The following DMD variants were observed in gnomAD, a reference collection of about 807,000 sequenced individuals.
DMD encodes mutant dystrophin.
Under a neutral mutation model 330.1 loss-of-function variants are expected in DMD, and 63 were observed. The observed-to-expected ratio is 0.19, with a 90% CI of 0.16 to 0.24. DMD has a LOEUF of 0.24. DMD is among the 10% of genes least tolerant of loss of function. DMD has a pLI of 1.00. For missense variants in DMD, 3,344 were observed against 2,684.1 expected, an observed-to-expected ratio of 1.25 and a Z score of -5.43; for synonymous variants, 1,223 against 959.8, an observed-to-expected ratio of 1.27 and a Z score of -5.07.
At chrX:32,747,422 TACTC>T (rs756209350) in intron 7 of DMD, among the ~76,000 whole-genome samples, 2 of 111,601 alleles carry the variant, frequency 1.8e-5, no homozygotes, top group East Asian at 5.7e-4. Context: ...TCCTTAGACA[TACTC>T]AATCAAGCGT....
intron 6 of DMD, among the ~76,000 whole-genome samples, chrX:32,812,668 TTTC>T (rs1293633221): frequency 4.5e-5 from 5 of 112,141 alleles, no homozygotes; most frequent in African/African-American, 6.5e-5. Context: ...GGTTTATTGG[TTTC>T]TTCTTAATTG....
At chrX:32,957,104 C>T (rs1337751866) in intron 2 of DMD, among the ~76,000 whole-genome samples, 1 of 111,447 alleles carries the variant, frequency 9.0e-6, no homozygotes, top group Middle Eastern at 4.2e-3. Flanking sequence ...CAGAGCTGAA[C>T]AGTACAGATT....
chrX:31,941,955 C>T (rs1408209501), intron 45 of DMD, among the ~76,000 whole-genome samples: 1 of 111,638 alleles, frequency 9.0e-6, no homozygotes, highest in Non-Finnish European at 1.9e-5. Context: ...AGGTTGATTC[C>T]ATGTCTTTGT....
intron 29 of DMD, among the ~76,000 whole-genome samples, chrX:32,429,387 GT>G (rs10692022): frequency 1.0e-3 from 46 of 44,186 alleles, no homozygotes; most frequent in Middle Eastern, 0.029. Context: ...TTTTTTTTGG[GT>G]TTTTTTTTTT....
At chrX:32,977,475 C>T (rs1239537927) in intron 2 of DMD, among the ~76,000 whole-genome samples, 2 of 110,682 alleles carry the variant, frequency 1.8e-5, no homozygotes, top group Non-Finnish European at 3.8e-5. Flanking sequence ...CAGGGCTTTC[C>T]TTCACAATTA....
chrX:32,415,024 T>G (rs1216422623), intron 29 of DMD, among the ~76,000 whole-genome samples: 1 of 111,534 alleles, frequency 9.0e-6, no homozygotes, highest in Non-Finnish European at 1.9e-5. Context: ...TCCAAAGAAA[T>G]GGATCTCTAG....
intron 1 of DMD, among the ~76,000 whole-genome samples, chrX:33,242,119 T>C: frequency 8.9e-6 from 1 of 111,761 alleles, no homozygotes; most frequent in Non-Finnish European, 1.9e-5. Context: ...ATTTATTTTT[T>C]ATTTTCCCTA....
At chrX:32,752,567 G>A (rs1172417789) in intron 7 of DMD, among the ~76,000 whole-genome samples, 1 of 103,158 alleles carries the variant, frequency 9.7e-6, no homozygotes, top group Non-Finnish European at 1.9e-5. Context: ...ACTTTGGACT[G>A]TGGAGTTTTG....
At chrX:31,490,291 G>A (rs1442455554) in intron 57 of DMD, among the ~76,000 whole-genome samples, 2 of 112,151 alleles carry the variant, frequency 1.8e-5, no homozygotes, top group African/African-American at 3.2e-5. Context: ...GGCCGGGCGC[G>A]GTGGCTCACG....
intron 52 of DMD, among the ~76,000 whole-genome samples, chrX:31,700,385 T>C (rs1027060486): frequency 4.5e-5 from 5 of 110,919 alleles, no homozygotes; most frequent in Non-Finnish European, 7.6e-5. Flanking sequence ...TGGAGAGGAG[T>C]TGGAAATGGA....
In DMD at chrX:31,341,873, G is replaced by A. The variant is rs893532538; in HGVS notation, c.9163+6683C>T. ...CGTTTTACACTGTGATCTGGCGTGC[G>A]CGCGTGCGTGCGCGCGCGCACACAC... On this transcript the variant is annotated intron_variant, in intron 61 of 78. Coordinates refer to ENST00000357033, the MANE Select transcript of DMD (RefSeq NM_004006.3). Among the ~76,000 whole-genome samples, 7 of 74,953 alleles carry A rather than the reference G, an allele frequency of 9.3e-5. No homozygotes were observed. The East Asian group carries it at 1.2e-3, about 13-fold the overall frequency. The allele number at this position is 74,953 out of a possible 115,157, so 65.1% of individuals were successfully genotyped here.
intron 7 of DMD, among the ~76,000 whole-genome samples, chrX:32,713,467 G>A (rs1347768626): frequency 1.8e-5 from 2 of 111,335 alleles, no homozygotes; most frequent in East Asian, 5.7e-4. Flanking sequence ...TGTAGTATCT[G>A]AGTTCTACCA....
intron 49 of DMD, among the ~76,000 whole-genome samples, chrX:31,822,645 G>A (rs1273994036): frequency 1.4e-4 from 3 of 21,144 alleles, no homozygotes; most frequent in Non-Finnish European, 7.5e-5. Context: ...TACAGAAAAA[G>A]GCAGAGGGGT....
rs181047486 is a variant in DMD at position 32,492,387 on chromosome X, C to A, written c.2381-869G>T. ...AAAAACAAGTACTAGGAAAAATAAT[C>A]TTTCTAATGTGAAACATTTTTAAAT... On this transcript the variant is annotated intron_variant, in intron 19 of 78. Coordinates refer to ENST00000357033, the MANE Select transcript of DMD (RefSeq NM_004006.3). Among the ~76,000 whole-genome samples, 269 of 112,470 alleles carry A rather than the reference C, an allele frequency of 2.4e-3. 2 individuals carry two copies. The highest frequency in any genetic ancestry group is 7.3e-3 in the African/African-American group (226 of 31,046).
chrX:32,200,538 GTCACATGTAACAATCAATT>G (rs1255221513), intron 44 of DMD, among the ~76,000 whole-genome samples: 2 of 110,775 alleles, frequency 1.8e-5, no homozygotes, highest in Non-Finnish European at 3.8e-5. Context: ...TGTTTTACAT[GTCACATGTAACAATCAATT>G]TCACATGTAA....
At chrX:33,200,082 A>G (rs1451950100) in intron 1 of DMD, among the ~76,000 whole-genome samples, 1 of 111,885 alleles carries the variant, frequency 8.9e-6, no homozygotes, top group Non-Finnish European at 1.9e-5. Flanking sequence ...TATTTTTACC[A>G]TAACAGAATT....
chrX:32,733,409 G>A (rs1338044487), intron 7 of DMD, among the ~76,000 whole-genome samples: 51 of 109,768 alleles, frequency 4.6e-4, no homozygotes, highest in Middle Eastern at 4.6e-3. Context: ...TGCACCAAGT[G>A]GACCTAATAG....
chrX:31,680,947 T>C (rs754710309), intron 52 of DMD, among the ~76,000 whole-genome samples: 2 of 111,857 alleles, frequency 1.8e-5, no homozygotes, highest in South Asian at 7.6e-4. Context: ...TGAAACCTGA[T>C]AGACATTCTA....
At chrX:31,324,973 T>C (rs2056675853) in intron 61 of DMD, among the ~76,000 whole-genome samples, 1 of 112,406 alleles carries the variant, frequency 8.9e-6, no homozygotes, top group Non-Finnish European at 1.9e-5. Flanking sequence ...CCAGACATGC[T>C]GTTTTGTACC....
Sources: allele counts gnomAD v4.1 joint callset (sites outside exome capture counted in the v4.1 genomes callset), GRCh38; gene constraint gnomAD v4.1.1; transcripts MANE v1.5; gene names NCBI Gene and HGNC (gene_info 2026-07-23, HGNC 2026-07-21).